The following ACTR3B variants were observed in gnomAD, a reference collection of about 807,000 sequenced individuals.
ACTR3B encodes actin-related protein 3B.
A neutral mutation model predicts 59.0 loss-of-function variants in ACTR3B; 8 were observed. The ratio of observed to expected loss-of-function variants is 0.14; its 90% confidence interval spans 0.08 to 0.24. The LOEUF is 0.24. Ranked by LOEUF, ACTR3B falls within the 10% of genes least tolerant of loss-of-function variation. The probability of loss-of-function intolerance (pLI) is 1.00; values close to 1 mark genes in which losing one functional copy is unlikely to be tolerated. For synonymous variants in ACTR3B, 148 were observed against 197.9 expected, an observed-to-expected ratio of 0.75 and a Z score of 2.12; for missense variants, 245 against 552.3, an observed-to-expected ratio of 0.44 and a Z score of 5.58.
At chr7:152,845,541 T>A (rs1367856606) in intron 9 of ACTR3B, among the ~76,000 whole-genome samples, 2 of 152,190 alleles carry the variant, frequency 1.3e-5, no homozygotes, top group Non-Finnish European at 2.9e-5. Context: ...CGTTTCACGG[T>A]GAGGAAGCAG....
chr7:152,778,545 C>T (rs1234766979), intron 1 of ACTR3B, among the ~76,000 whole-genome samples: 3 of 151,938 alleles, frequency 2.0e-5, no homozygotes, highest in Non-Finnish European at 2.9e-5. Context: ...CCTTTTTTCA[C>T]TACTTCTTAA....
chr7:152,793,762 A>G (rs534915178), intron 2 of ACTR3B, among the ~76,000 whole-genome samples: 1 of 151,580 alleles, frequency 6.6e-6, no homozygotes, highest in Non-Finnish European at 1.5e-5. Context: ...GTGGAAACCT[A>G]GATACTTTGG....
intron 2 of ACTR3B, among the ~76,000 whole-genome samples, chr7:152,784,293 AG>A (rs2098164397): frequency 6.6e-6 from 1 of 152,190 alleles, no homozygotes. Flanking sequence ...CTTTGTGAAC[AG>A]TGGGGAACGT....
At chr7:152,801,452 CTT>C (rs2098236427) in intron 3 of ACTR3B, among the ~76,000 whole-genome samples, 167 bp from the exon 4 acceptor site, 1 of 152,154 alleles carries the variant, frequency 6.6e-6, no homozygotes, top group South Asian at 2.1e-4. Context: ...AATAATGTAA[CTT>C]AATCTTTTTT....
At chr7:152,830,726 T>C (rs1035893833) in intron 9 of ACTR3B, among the ~76,000 whole-genome samples, 2 of 152,068 alleles carry the variant, frequency 1.3e-5, no homozygotes, top group African/African-American at 4.8e-5. Flanking sequence ...TTAAAAATTT[T>C]TTTTTGTAGA....
At chr7:152,828,763 G>A (rs1563138208) in intron 9 of ACTR3B, among the ~76,000 whole-genome samples, 1 of 151,964 alleles carries the variant, frequency 6.6e-6, no homozygotes, top group Non-Finnish European at 1.5e-5. Flanking sequence ...TGATGGTGCC[G>A]ATTCCTGACC....
intron 2 of ACTR3B, among the ~76,000 whole-genome samples, chr7:152,783,888 G>A (rs1563088066): frequency 1.3e-5 from 2 of 152,030 alleles, no homozygotes; most frequent in East Asian, 1.9e-4. Context: ...TCAGGAGTTC[G>A]AGACCAGCCT....
At chr7:152,785,208 C>T (rs1158945458) in intron 2 of ACTR3B, among the ~76,000 whole-genome samples, 7 of 150,910 alleles carry the variant, frequency 4.6e-5, no homozygotes, top group South Asian at 2.1e-4. Flanking sequence ...TTAATAGAGA[C>T]GGGAAGCGAA....
intron 2 of ACTR3B, among the ~76,000 whole-genome samples, chr7:152,789,132 G>A (rs1590256449): frequency 6.6e-6 from 1 of 151,962 alleles, no homozygotes; most frequent in South Asian, 2.1e-4. Context: ...GCTCACACCT[G>A]TAATTGCAGC....
intron 1 of ACTR3B, among the ~76,000 whole-genome samples, chr7:152,776,791 C>G (rs1053711843): frequency 6.6e-5 from 10 of 152,156 alleles, no homozygotes; most frequent in African/African-American, 2.4e-4. Context: ...GGATTTGAAC[C>G]TAGCATTGTG....
intron 3 of ACTR3B, 28 bp downstream of exon 3, chr7:152,800,683 C>CT (rs764578137): frequency 9.9e-6 from 16 of 1,610,996 alleles, no homozygotes; most frequent in African/African-American, 5.3e-5. Context: ...GTTTGCTTCT[C>CT]TAAGTGTAGA....
At chr7:152,822,928 C>T (rs1796289502) in intron 7 of ACTR3B, among the ~76,000 whole-genome samples, 1 of 152,182 alleles carries the variant, frequency 6.6e-6, no homozygotes, top group African/African-American at 2.4e-5. Context: ...GTAGACAGTG[C>T]CGCACTCGGT....
intron 9 of ACTR3B, among the ~76,000 whole-genome samples, chr7:152,843,193 C>T (rs1177323801): frequency 1.3e-5 from 2 of 151,384 alleles, no homozygotes; most frequent in African/African-American, 4.9e-5. Context: ...GTATGGAAGC[C>T]CATTTATCAA....
rs71182039 is a variant in ACTR3B at position 152,765,109 on chromosome 7, C to CT, written c.44+5205dup. 4.3e-3 allele frequency among the ~76,000 whole-genome samples: 286 copies of CT among 66,258 alleles called. 1 individual carries two copies. The highest frequency in any genetic ancestry group is 0.01 in the African/African-American group (167 of 15,994). The allele number at this position is 66,258 out of a possible 152,430, so 43.5% of individuals were successfully genotyped here. On this transcript the variant is annotated intron_variant, in intron 1 of 11. Transcript: ENST00000256001. ...TTTGAGACTGGGTCTTACCCTGGCC[C>CT]TTTTTTTTTTTTTTTTTTTTTTCCG... is the stretch of plus-strand genomic sequence containing the variant.
chr7:152,779,625 T>A (rs1358363032), intron 1 of ACTR3B, among the ~76,000 whole-genome samples: 1 of 152,140 alleles, frequency 6.6e-6, no homozygotes, highest in African/African-American at 2.4e-5. Flanking sequence ...TTTGCTTTTG[T>A]TTTTTTGGTC....
chr7:152,797,879 A>G (rs147048592), intron 2 of ACTR3B, among the ~76,000 whole-genome samples: 123 of 152,126 alleles, frequency 8.1e-4, no homozygotes, highest in African/African-American at 2.9e-3. Flanking sequence ...TTTTTTTTAA[A>G]TGGCTGAATA....
intron 4 of ACTR3B, among the ~76,000 whole-genome samples, chr7:152,804,835 C>T (rs139749899): frequency 0.012 from 1,829 of 152,190 alleles, 37 homozygotes; most frequent in African/African-American, 0.042. Flanking sequence ...TTAGGTTGCC[C>T]TCAGTCCAGC....
At position 152,834,445 on chromosome 7, in the gene ACTR3B, C is replaced by T. The variant is rs188494514; in HGVS notation, c.951+9323C>T. 1.3e-3 allele frequency among the ~76,000 whole-genome samples: 197 copies of T among 152,312 alleles called. 3 individuals are homozygous for T. Among genetic ancestry groups the T allele is most frequent in the Admixed American group, 8.5e-4 (13 of 15,296 alleles). On this transcript the variant is annotated intron_variant, in intron 9 of 11. Coordinates refer to ENST00000256001, the MANE Select transcript of ACTR3B (RefSeq NM_020445.6). The stretch of plus-strand genomic sequence containing the variant: ...CTGGGATTACAAGTGTGAGCCACCG[C>T]GCCCGGTTGTCGCTGTTTATGTTAT...
rs189375445 is a variant in ACTR3B, at chr7:152,823,650, C to T, written c.858+135C>T. The T allele has an allele frequency of 2.6e-3, 2,935 of 1,117,080 alleles. 44 individuals are homozygous for T. The South Asian group carries it at 0.034, about 13-fold the overall frequency. The allele number at this position is 1,117,080 out of a possible 1,614,324, so 69.2% of individuals were successfully genotyped here. A position where few individuals can be genotyped will look rare whatever the true frequency, so the allele number is the denominator to read the frequency against. The stretch of plus-strand genomic sequence containing the variant: ...ATTCGGTCTCTCTGCATCCCCTGTG[C>T]AGTTTGTCTGCTTGACAGATTGTTC... On this transcript the variant is annotated intron_variant, in intron 8 of 11. Transcript: ENST00000256001.
Sources: allele counts gnomAD v4.1 joint callset (sites outside exome capture counted in the v4.1 genomes callset), GRCh38; gene constraint gnomAD v4.1.1; transcripts MANE v1.5; gene names NCBI Gene and HGNC (gene_info 2026-07-23, HGNC 2026-07-21).